Variants in DPP10 observed in about 807,000 individuals in gnomAD.
DPP10 encodes the protein inactive dipeptidyl peptidase 10.
DPP10 carries 33 observed loss-of-function variants against 120.9 expected under a neutral mutation model. That is an observed-to-expected ratio of 0.27 (90% confidence interval 0.21 to 0.37). The LOEUF (loss-of-function observed/expected upper bound fraction) is 0.37. Among genes scored for constraint, DPP10 ranks in the 10% least tolerant of loss-of-function variants. DPP10 has a pLI of 1.00. For missense variants in DPP10, 816 were observed against 942.8 expected (o/e 0.87, Z 1.76); for synonymous variants, 337 against 326.1 (o/e 1.03, Z -0.36).
At chr2:114,796,445 C>T (rs1008318574) in intron 1 of DPP10, among the ~76,000 whole-genome samples, 1 of 151,784 alleles carries the variant, frequency 6.6e-6, no homozygotes, top group Non-Finnish European at 1.5e-5. Flanking sequence ...TTTTCCCTTG[C>T]TTACTTTATT....
chr2:114,552,200 A>G (rs1687938545), intron 1 of DPP10, among the ~76,000 whole-genome samples: 1 of 152,208 alleles, frequency 6.6e-6, no homozygotes, highest in African/African-American at 2.4e-5. Context: ...TTTTGTTGCC[A>G]GTGCAGTAGG....
At chr2:114,934,215 C>T (rs1574515360) in intron 1 of DPP10, among the ~76,000 whole-genome samples, 1 of 152,216 alleles carries the variant, frequency 6.6e-6, no homozygotes, top group East Asian at 1.9e-4. Context: ...TCAGGCTCAT[C>T]TCTGAGGTAA....
intron 1 of DPP10, among the ~76,000 whole-genome samples, chr2:115,273,611 C>G (rs1263878489): frequency 3.3e-5 from 5 of 152,232 alleles, no homozygotes; most frequent in African/African-American, 1.2e-4. Flanking sequence ...GCTGGGATGA[C>G]AGGCGTGAGC....
chr2:115,776,100 G>A (rs909296402), intron 13 of DPP10, among the ~76,000 whole-genome samples: 6 of 152,240 alleles, frequency 3.9e-5, no homozygotes, highest in African/African-American at 1.4e-4. Context: ...AGGAATCAGA[G>A]TGAAGTAGCT....
chr2:115,383,901 T>C (rs551304392), intron 3 of DPP10, among the ~76,000 whole-genome samples: 1 of 152,318 alleles, frequency 6.6e-6, no homozygotes, highest in East Asian at 1.9e-4. Context: ...GAAAGACTGC[T>C]GTATCTTTTT....
chr2:115,060,722 G>T (rs1196928915), intron 1 of DPP10, among the ~76,000 whole-genome samples: 1 of 152,166 alleles, frequency 6.6e-6, no homozygotes, highest in Admixed American at 6.5e-5. Flanking sequence ...TATTCTGACA[G>T]GTTTCATTGG....
intron 5 of DPP10, among the ~76,000 whole-genome samples, chr2:115,549,279 T>C (rs528597347): frequency 6.6e-6 from 1 of 152,258 alleles, no homozygotes; most frequent in South Asian, 2.1e-4. Flanking sequence ...TTATTTTCTA[T>C]ATCTGTGCTG....
intron 1 of DPP10, among the ~76,000 whole-genome samples, chr2:115,152,509 C>T (rs1273764526): frequency 6.6e-6 from 1 of 152,120 alleles, no homozygotes; most frequent in Non-Finnish European, 1.5e-5. Flanking sequence ...AAATTTAAGA[C>T]TGACTTTTCA....
At chr2:115,480,948 G>C (rs549328060) in intron 3 of DPP10, among the ~76,000 whole-genome samples, 1 of 152,242 alleles carries the variant, frequency 6.6e-6, no homozygotes, top group Non-Finnish European at 1.5e-5. Flanking sequence ...TTGCATAAAA[G>C]TGAGCAAGCT....
At chr2:115,354,431 T>G (rs1392145085) in intron 3 of DPP10, among the ~76,000 whole-genome samples, 1 of 152,166 alleles carries the variant, frequency 6.6e-6, no homozygotes, top group Non-Finnish European at 1.5e-5. Context: ...ATTTGGTTTT[T>G]TGTTTTGGTT....
chr2:115,318,250 G>A (rs2061893213), intron 2 of DPP10, among the ~76,000 whole-genome samples: 1 of 151,988 alleles, frequency 6.6e-6, no homozygotes, highest in Admixed American at 6.6e-5. Context: ...AGATATATGA[G>A]TTATTTCTGG....
At chr2:115,390,067 C>T (rs2067220755) in intron 3 of DPP10, among the ~76,000 whole-genome samples, 1 of 152,134 alleles carries the variant, frequency 6.6e-6, no homozygotes. Flanking sequence ...CTGGACCCAG[C>T]CCTACATTAC....
At chr2:115,491,139 A>T (rs1179225753) in intron 3 of DPP10, among the ~76,000 whole-genome samples, 1 of 152,096 alleles carries the variant, frequency 6.6e-6, no homozygotes, top group Non-Finnish European at 1.5e-5. Context: ...ACAAAAACAA[A>T]CAAAACCTCC....
At chr2:114,965,964 C>CAAAAAAAAAAAAAAA (rs57107624) in intron 1 of DPP10, among the ~76,000 whole-genome samples, 14 of 74,806 alleles carry the variant, frequency 1.9e-4, no homozygotes, top group Non-Finnish European at 1.9e-4. Flanking sequence ...GACTCCTTCT[C>CAAAAAAAAAAAAAAA]AAAAAAAAAA....
At chr2:115,037,313 C>T (rs573198363) in intron 1 of DPP10, among the ~76,000 whole-genome samples, 3 of 152,284 alleles carry the variant, frequency 2.0e-5, no homozygotes, top group Admixed American at 6.5e-5. Flanking sequence ...GGAAAATCTT[C>T]GTAGACTTAC....
intron 1 of DPP10, among the ~76,000 whole-genome samples, chr2:115,282,943 T>C (rs113376851): frequency 6.6e-6 from 1 of 152,100 alleles, no homozygotes; most frequent in Non-Finnish European, 1.5e-5. Context: ...TTGCTTTTTT[T>C]AAAAAAAGTC....
At chr2:115,089,086 C>T (rs1380209956) in intron 1 of DPP10, among the ~76,000 whole-genome samples, 3 of 152,028 alleles carry the variant, frequency 2.0e-5, no homozygotes, top group African/African-American at 4.8e-5. Flanking sequence ...ACCTTCTGCC[C>T]GCAAACTTCT....
rs188491861 is a variant in DPP10, at chr2:115,287,757, C to T, written c.61-21482C>T. ...CAAAGAACTCAATCCCTTTTACAAT[C>T]GCTACAAAAATAAACTAAAATACCT... On this transcript the variant is annotated intron_variant, in intron 1 of 25. Coordinates refer to ENST00000410059, the MANE Select transcript of DPP10 (RefSeq NM_020868.6). Among the ~76,000 whole-genome samples the T allele has an allele frequency of 5.2e-4, 79 of 152,092 alleles. 2 individuals carry two copies. In the East Asian group the frequency reaches 0.012, roughly 24 times the overall value.
intron 1 of DPP10, among the ~76,000 whole-genome samples, chr2:114,591,119 A>T (rs1171732534): frequency 6.6e-6 from 1 of 152,228 alleles, no homozygotes; most frequent in Non-Finnish European, 1.5e-5. Flanking sequence ...GGTTAGTGGC[A>T]GAAGGTATCA....
Sources: allele counts gnomAD v4.1 joint callset (sites outside exome capture counted in the v4.1 genomes callset), GRCh38; gene constraint gnomAD v4.1.1; transcripts MANE v1.5; gene names NCBI Gene and HGNC (gene_info 2026-07-23, HGNC 2026-07-21).